Variants in CALCRL observed in about 807,000 individuals in gnomAD.
The protein encoded by CALCRL is calcitonin receptor like receptor, also known as calcitonin gene-related peptide type 1 receptor.
CALCRL carries 27 observed loss-of-function variants against 60.4 expected under a neutral mutation model. The ratio of observed to expected loss-of-function variants is 0.45; its 90% CI spans 0.33 to 0.62. The LOEUF (loss-of-function observed/expected upper bound fraction) is 0.62. Among genes scored for constraint, CALCRL ranks in the 20% least tolerant of loss-of-function variants. CALCRL has a pLI of 0.03. For missense variants in CALCRL, 424 were observed against 540.7 expected (o/e 0.78, Z 2.14); for synonymous variants, 190 against 182.6 (o/e 1.04, Z -0.33).
chr2:187,414,032 T>G (rs987955610), intron 1 of CALCRL, among the ~76,000 whole-genome samples: 1 of 152,124 alleles, frequency 6.6e-6, no homozygotes, highest in Non-Finnish European at 1.5e-5. Context: ...CTTGACATAT[T>G]GGAATGAGGA....
Position 187,346,043 on chromosome 2 carries a change from C to T in CALCRL, c.*141G>A, listed in dbSNP as rs920209143. On this transcript the variant is annotated 3_prime_UTR_variant, in exon 15 of 15. Transcript: ENST00000392370. ...GCTGGATGTTACACTCTTATCAACA[C>T]ACTACTAATTTCATGTGAAGGCTCT... is the stretch of plus-strand genomic sequence containing the variant. 6 of 592,876 alleles carry T rather than the reference C, an allele frequency of 1.0e-5. No homozygotes were observed. The African/African-American group carries it at 1.1e-4, about 11-fold the overall frequency. 36.7% of individuals were successfully genotyped at this position (592,876 alleles called of 1,614,324 possible). A position where few individuals can be genotyped will look rare whatever the true frequency, so the allele number is the denominator to read the frequency against.
intron 9 of CALCRL, among the ~76,000 whole-genome samples, chr2:187,361,052 G>T (rs1203963641): frequency 6.6e-6 from 1 of 151,946 alleles, no homozygotes; most frequent in East Asian, 1.9e-4. Flanking sequence ...GTAATTATAA[G>T]TATAAAAGTG....
At chr2:187,350,409 A>G (rs1686473588) in intron 14 of CALCRL, among the ~76,000 whole-genome samples, 1 of 150,820 alleles carries the variant, frequency 6.6e-6, no homozygotes, top group Non-Finnish European at 1.5e-5. Flanking sequence ...CAAATGATTT[A>G]TCTATTTTTT....
chr2:187,350,574 TAAA>T (rs898543019), intron 14 of CALCRL, among the ~76,000 whole-genome samples: 2 of 150,730 alleles, frequency 1.3e-5, no homozygotes, highest in Non-Finnish European at 3.0e-5. Flanking sequence ...TAAATATAGA[TAAA>T]TAATAATAAT....
intron 12 of CALCRL, among the ~76,000 whole-genome samples, chr2:187,354,325 G>A (rs858750): frequency 0.87 from 131,846 of 151,746 alleles, 57,502 homozygotes; most frequent in African/African-American, 0.91. Context: ...GTCATTCCCA[G>A]ACAATCACTT....
At chr2:187,352,003 A>T in intron 13 of CALCRL, 42 bp from the exon 14 acceptor site, 1 of 1,562,362 alleles carries the variant, frequency 6.4e-7, no homozygotes, top group East Asian at 2.2e-5. Flanking sequence ...AAATGGAAAG[A>T]TACATGTATT....
At chr2:187,365,317 C>T (rs766441635) in intron 8 of CALCRL, among the ~76,000 whole-genome samples, 39 of 152,078 alleles carry the variant, frequency 2.6e-4, no homozygotes, top group Non-Finnish European at 1.0e-4. Context: ...AAGTTATAGA[C>T]ATATAACATT....
intron 1 of CALCRL, among the ~76,000 whole-genome samples, chr2:187,394,862 T>G (rs1419842514): frequency 6.6e-6 from 1 of 152,000 alleles, no homozygotes; most frequent in Admixed American, 6.6e-5. Flanking sequence ...TGCATAAAAG[T>G]AGTGGCTGTT....
intron 9 of CALCRL, among the ~76,000 whole-genome samples, chr2:187,361,687 G>C (rs55907979): frequency 0.042 from 6,316 of 151,730 alleles, 283 homozygotes; most frequent in East Asian, 0.18. Flanking sequence ...AATTCTTAAC[G>C]GTAGTCCTAT....
At chr2:187,387,781 T>C (rs1170209247) in intron 1 of CALCRL, 25 bp from the exon 2 acceptor site, 1 of 394,932 alleles carries the variant, frequency 2.5e-6, no homozygotes, top group Non-Finnish European at 4.5e-6. Context: ...AATGTAATAA[T>C]TTAATATTAT....
At chr2:187,365,596 A>C (rs1178335758) in intron 8 of CALCRL, among the ~76,000 whole-genome samples, 2 of 152,216 alleles carry the variant, frequency 1.3e-5, no homozygotes, top group African/African-American at 4.8e-5. Flanking sequence ...ATAGTTTTAA[A>C]ACTATGACGA....
chr2:187,349,416 C>T (rs912409392), intron 14 of CALCRL, among the ~76,000 whole-genome samples: 10 of 151,528 alleles, frequency 6.6e-5, no homozygotes, highest in Non-Finnish European at 1.3e-4. Flanking sequence ...GGAAACTAAG[C>T]CTGAGCAAAT....
At chr2:187,361,792 T>C (rs192363959) in intron 9 of CALCRL, among the ~76,000 whole-genome samples, 1 of 152,088 alleles carries the variant, frequency 6.6e-6, no homozygotes, top group Non-Finnish European at 1.5e-5. Flanking sequence ...ATCAATCAAA[T>C]CTACAACCTG....
chr2:187,435,765 G>A (rs574465876), intron 1 of CALCRL, among the ~76,000 whole-genome samples: 1 of 152,100 alleles, frequency 6.6e-6, no homozygotes, highest in African/African-American at 2.4e-5. Context: ...TGATTTAAAT[G>A]TATAAATTAT....
intron 1 of CALCRL, chr2:187,415,908 G>C: frequency 4.0e-6 from 1 of 248,564 alleles, no homozygotes; most frequent in South Asian, 7.0e-5. Flanking sequence ...TCATTGCTGG[G>C]GAGTCCCTGC....
intron 1 of CALCRL, among the ~76,000 whole-genome samples, chr2:187,432,406 T>G (rs12104503): frequency 0.41 from 62,690 of 151,866 alleles, 13,972 homozygotes; most frequent in African/African-American, 0.58. Flanking sequence ...TAATGACCTT[T>G]TGCTTATGGA....
In CALCRL at chr2:187,440,979, T is replaced by C. The variant is rs1690881367; in HGVS notation, c.-293+7060A>G. On this transcript the variant is annotated intron_variant, in intron 1 of 14. Transcript: ENST00000392370. The stretch of plus-strand genomic sequence containing the variant: ...ACCTTAATATTTGCTCATATCTCAT[T>C]TGAAGGCCTTCCTATCCAAATTAAT... Among the ~76,000 whole-genome samples, 4 of 152,182 alleles carry C rather than the reference T, an allele frequency of 2.6e-5. No homozygotes were observed. In the South Asian group the frequency reaches 8.3e-4, roughly 32 times the overall value.
At chr2:187,440,462 G>A (rs1183154101) in intron 1 of CALCRL, among the ~76,000 whole-genome samples, 2 of 152,118 alleles carry the variant, frequency 1.3e-5, no homozygotes, top group African/African-American at 4.8e-5. Flanking sequence ...TTGAGATGGA[G>A]TCTCCCTTTT....
chr2:187,359,800 G>A (rs868266544), intron 10 of CALCRL, among the ~76,000 whole-genome samples: 6 of 151,972 alleles, frequency 3.9e-5, no homozygotes, highest in African/African-American at 1.2e-4. Flanking sequence ...TTCCAAATAT[G>A]TAATTAAGCA....
Sources: allele counts gnomAD v4.1 joint callset (sites outside exome capture counted in the v4.1 genomes callset), GRCh38; gene constraint gnomAD v4.1.1; transcripts MANE v1.5; gene names NCBI Gene and HGNC (gene_info 2026-07-23, HGNC 2026-07-21).